Variants in COL23A1 observed in about 807,000 individuals in gnomAD.
The protein encoded by COL23A1 is collagen alpha-1(XXIII) chain.
COL23A1 carries 97 observed loss-of-function variants against 99.3 expected under a neutral mutation model. The ratio of observed to expected loss-of-function variants is 0.98; its 90% confidence interval spans 0.83 to 1.16. COL23A1 has a LOEUF of 1.16. COL23A1 is among the 50% of genes most tolerant of loss of function. The pLI, the probability that COL23A1 is intolerant of heterozygous loss-of-function variation, is 0.00. For synonymous variants in COL23A1, 320 were observed against 308.2 expected (o/e 1.04, Z -0.40); for missense variants, 762 against 757.4 (o/e 1.01, Z -0.07).
chr5:178,425,302 C>G (rs1048238802), intron 2 of COL23A1, among the ~76,000 whole-genome samples: 4 of 151,774 alleles, frequency 2.6e-5, no homozygotes, highest in South Asian at 2.1e-4. Flanking sequence ...TATGACTGTA[C>G]TCCCAGCTAC....
intron 3 of COL23A1, among the ~76,000 whole-genome samples, chr5:178,300,274 GC>G (rs1239585838): frequency 6.7e-6 from 1 of 149,866 alleles, no homozygotes; most frequent in Non-Finnish European, 1.5e-5. Context: ...GACCATCTTG[GC>G]CGGGCTGGTC....
intron 1 of COL23A1, among the ~76,000 whole-genome samples, chr5:178,576,926 G>T (rs1157858177): frequency 2.0e-5 from 3 of 151,776 alleles, no homozygotes; most frequent in Admixed American, 2.0e-4. Flanking sequence ...GCTCTGCCGG[G>T]TCAGCCCCGC....
At chr5:178,332,855 A>G (rs1171039433) in intron 2 of COL23A1, among the ~76,000 whole-genome samples, 3 of 151,902 alleles carry the variant, frequency 2.0e-5, no homozygotes, top group Non-Finnish European at 4.4e-5. Flanking sequence ...GATAGTTCAC[A>G]CTGACCGTTT....
At chr5:178,443,981 C>T (rs1014248528) in intron 2 of COL23A1, among the ~76,000 whole-genome samples, 4 of 152,168 alleles carry the variant, frequency 2.6e-5, no homozygotes, top group South Asian at 2.1e-4. Flanking sequence ...GCAGGTGGAT[C>T]GCTTGAGCCT....
chr5:178,497,566 G>A (rs979703593), intron 2 of COL23A1, among the ~76,000 whole-genome samples: 3 of 152,178 alleles, frequency 2.0e-5, no homozygotes, highest in Non-Finnish European at 2.9e-5. Context: ...CCTCCATACC[G>A]AAATGACCAG....
intron 8 of COL23A1, chr5:178,265,665 C>T (rs1053952852): frequency 2.2e-5 from 22 of 985,690 alleles, no homozygotes; most frequent in African/African-American, 1.6e-4. Flanking sequence ...CTTGAGGATC[C>T]GGCGATTGTA....
Position 178,310,286 on chromosome 5 carries a change from G to A in COL23A1, c.362-3367C>T, listed in dbSNP as rs533570462. ...GGAGCCGCAGGAGTGGGGGCAGGAC[G>A]GACGGCCTCTCCTGAGTCTCTGGAC... On this transcript the variant is annotated intron_variant, in intron 2 of 28. Coordinates refer to ENST00000390654, the MANE Select transcript of COL23A1 (RefSeq NM_173465.4). The surrounding 1 kb of genome is among the most constrained non-coding windows in gnomAD (Gnocchi z 4.3). Among the ~76,000 whole-genome samples, 3 of 152,314 alleles carry A rather than the reference G, an allele frequency of 2.0e-5. No homozygotes were observed. The highest frequency in any genetic ancestry group is 6.5e-5 in the Admixed American group (1 of 15,298).
rs930532446 is a variant in COL23A1, at chr5:178,281,730, T to A, written c.441+6594A>T. Among the ~76,000 whole-genome samples the A allele has an allele frequency of 6.6e-6, 1 of 152,174 alleles. No individual in the cohort carries two copies. The highest frequency in any genetic ancestry group is 1.5e-5 in the Non-Finnish European group (1 of 68,044). On this transcript the variant is annotated intron_variant, in intron 5 of 28. Transcript: ENST00000390654. This position sits in a 1 kb window ranked among gnomAD's most constrained non-coding sequence, Gnocchi z 4.0. Reference sequence around the variant, plus strand: ...TTCTACTTTTTAATAATTAATTGATTGATTTAAAATTTTATTTTTTAAAAC... The same window carrying A: ...TTCTACTTTTTAATAATTAATTGATAGATTTAAAATTTTATTTTTTAAAAC...
intron 2 of COL23A1, among the ~76,000 whole-genome samples, chr5:178,375,432 C>T (rs4418122): frequency 0.03 from 4,511 of 152,290 alleles, 225 homozygotes; most frequent in African/African-American, 0.1. Context: ...CCAGGGTGAC[C>T]CTGTAAGAAC....
At chr5:178,577,096 G>A (rs1440715572) in intron 1 of COL23A1, among the ~76,000 whole-genome samples, 1 of 152,044 alleles carries the variant, frequency 6.6e-6, no homozygotes, top group Admixed American at 6.5e-5. Flanking sequence ...TCCGCGCCCT[G>A]TGGGCCGAGG....
chr5:178,360,613 G>A (rs1048329448), intron 2 of COL23A1, among the ~76,000 whole-genome samples: 5 of 152,206 alleles, frequency 3.3e-5, no homozygotes, highest in Admixed American at 6.5e-5. Context: ...TCTGAGCCTC[G>A]GTGTCCCCAC....
At chr5:178,509,202 G>A (rs774794933) in intron 2 of COL23A1, among the ~76,000 whole-genome samples, 68 of 101,370 alleles carry the variant, frequency 6.7e-4, no homozygotes, top group Admixed American at 3.8e-3. Flanking sequence ...TCGGACCTCC[G>A]GAATCAGAAC....
intron 3 of COL23A1, among the ~76,000 whole-genome samples, chr5:178,296,404 C>T (rs934306474): frequency 1.3e-5 from 2 of 152,160 alleles, no homozygotes; most frequent in African/African-American, 4.8e-5. Flanking sequence ...GAAACTGAGG[C>T]CCAGAAAGGC....
chr5:178,288,626 G>A, intron 4 of COL23A1: 1 of 574,198 alleles, frequency 1.7e-6, no homozygotes. Context: ...GCCAGGCATA[G>A]GGTAAATGCC....
At chr5:178,293,949 C>T (rs941817561) in intron 3 of COL23A1, among the ~76,000 whole-genome samples, 3 of 151,992 alleles carry the variant, frequency 2.0e-5, no homozygotes, top group African/African-American at 2.4e-5. Context: ...GGGGCTTCTA[C>T]GTGGCTATCA....
chr5:178,588,082 G>C (rs939505457), intron 1 of COL23A1, among the ~76,000 whole-genome samples: 1 of 152,190 alleles, frequency 6.6e-6, no homozygotes, highest in Non-Finnish European at 1.5e-5. Flanking sequence ...CAGAATACAG[G>C]GTTCCCTGGA....
At chr5:178,483,022 T>C (rs1049012098) in intron 2 of COL23A1, among the ~76,000 whole-genome samples, 6 of 151,914 alleles carry the variant, frequency 3.9e-5, no homozygotes, top group Non-Finnish European at 5.9e-5. Flanking sequence ...CAGTGAGTTA[T>C]GATCACACCA....
At chr5:178,342,085 T>C (rs1760703130) in intron 2 of COL23A1, among the ~76,000 whole-genome samples, 1 of 152,152 alleles carries the variant, frequency 6.6e-6, no homozygotes, top group Admixed American at 6.5e-5. Flanking sequence ...TGTGTTATCA[T>C]CTCCTCAGTG....
chr5:178,279,438 C>CG (rs1401882917), intron 5 of COL23A1, among the ~76,000 whole-genome samples: 1 of 152,230 alleles, frequency 6.6e-6, no homozygotes, highest in East Asian at 1.9e-4. Flanking sequence ...CACTGCTCCC[C>CG]GGGCAGACTG....
Sources: gnomAD v4.1 joint callset for allele counts (sites outside exome capture counted in the v4.1 genomes callset) on GRCh38, gnomAD v4.1.1 for gene constraint, Gnocchi (gnomAD v3.1) non-coding constraint, MANE v1.5 for transcripts, NCBI Gene and HGNC (gene_info 2026-07-23, HGNC 2026-07-21) for gene names.